The following RPSA2 variants were observed in gnomAD, a reference collection of about 807,000 sequenced individuals.
The protein encoded by RPSA2 is ribosomal protein SA 2.
chr19:23,860,725 AAATAAT>A, the RPSA2 span, among the ~76,000 whole-genome samples: 2 of 152,204 alleles, frequency 1.3e-5, no homozygotes, highest in African/African-American at 4.8e-5. Flanking sequence ...ATAACAATGA[AAATAAT>A]AATAATAGTA....
the RPSA2 span, among the ~76,000 whole-genome samples, chr19:23,865,496 C>T: frequency 2.6e-5 from 4 of 152,132 alleles, no homozygotes; most frequent in South Asian, 6.2e-4. Flanking sequence ...CATGGTCCTA[C>T]TGCTGCTGTC....
the RPSA2 span, among the ~76,000 whole-genome samples, chr19:23,840,952 A>T: frequency 7.7e-6 from 1 of 129,154 alleles, no homozygotes; most frequent in Non-Finnish European, 1.6e-5. Context: ...AAAACAACAA[A>T]ACTCCGTCTC....
the RPSA2 span, among the ~76,000 whole-genome samples, chr19:23,847,022 C>A: frequency 1.3e-5 from 2 of 152,074 alleles, no homozygotes; most frequent in East Asian, 3.9e-4. Context: ...TATGTAGTTG[C>A]AAATATCTCC....
chr19:23,761,932 T>C, the RPSA2 span, among the ~76,000 whole-genome samples: 206 of 52,664 alleles, frequency 3.9e-3, no homozygotes, highest in East Asian at 0.045. Context: ...TTTTTTTTTT[T>C]TTTGAGATGG....
At chr19:23,849,148 A>G in the RPSA2 span, among the ~76,000 whole-genome samples, 2 of 152,212 alleles carry the variant, frequency 1.3e-5, no homozygotes, top group African/African-American at 2.4e-5. Flanking sequence ...CCAAATTTTG[A>G]TATTTCCCAC....
chr19:23,812,089 G>A, the RPSA2 span, among the ~76,000 whole-genome samples: 3 of 151,968 alleles, frequency 2.0e-5, no homozygotes, highest in African/African-American at 4.8e-5. Context: ...CATTGATGTT[G>A]CCAACTAGAT....
At chr19:23,814,700 C>T in the RPSA2 span, among the ~76,000 whole-genome samples, 57 of 152,166 alleles carry the variant, frequency 3.7e-4, 1 homozygote, top group Non-Finnish European at 6.2e-4. Context: ...TTTTTGATTC[C>T]TGAGCAAACA....
At chr19:23,812,157 A>C in the RPSA2 span, among the ~76,000 whole-genome samples, 1 of 152,008 alleles carries the variant, frequency 6.6e-6, no homozygotes, top group African/African-American at 2.4e-5. Flanking sequence ...TTTTACTATA[A>C]ATTTCTTAAT....
the RPSA2 span, among the ~76,000 whole-genome samples, chr19:23,846,313 A>C: frequency 1.6e-4 from 8 of 51,010 alleles, no homozygotes; most frequent in South Asian, 6.2e-3. Flanking sequence ...ATTTATATTC[A>C]AGATTATATT....
chr19:23,805,384 G>A, the RPSA2 span, among the ~76,000 whole-genome samples: 1 of 151,900 alleles, frequency 6.6e-6, no homozygotes, highest in African/African-American at 2.4e-5. Context: ...GGCTGGTCTC[G>A]AACTCCCTAC....
chr19:23,789,815 C>A, the RPSA2 span, among the ~76,000 whole-genome samples: 1 of 150,326 alleles, frequency 6.7e-6, no homozygotes, highest in Non-Finnish European at 1.5e-5. Context: ...GTAGCTGGGA[C>A]TACAGGCATG....
the RPSA2 span, among the ~76,000 whole-genome samples, chr19:23,833,774 AGAAGAG>A: frequency 5.9e-5 from 9 of 152,124 alleles, no homozygotes; most frequent in Admixed American, 2.6e-4. Flanking sequence ...TTTAAAGTGC[AGAAGAG>A]TATTTACTTT....
the RPSA2 span, among the ~76,000 whole-genome samples, chr19:23,789,330 A>G: frequency 1.3e-5 from 2 of 152,092 alleles, no homozygotes; most frequent in Non-Finnish European, 2.9e-5. Flanking sequence ...TCTTATAGAA[A>G]TAGATTTTAA....
chr19:23,771,805 T>C, the RPSA2 span, among the ~76,000 whole-genome samples: 1 of 152,152 alleles, frequency 6.6e-6, no homozygotes, highest in South Asian at 2.1e-4. Flanking sequence ...GTTTCTGTTG[T>C]ACATTGTGTT....
chr19:23,857,434 G>A, the RPSA2 span, among the ~76,000 whole-genome samples: 10 of 150,386 alleles, frequency 6.6e-5, no homozygotes, highest in South Asian at 4.2e-4. Flanking sequence ...CTGACTTCCC[G>A]CAACATCTTT....
At chr19:23,815,489 T>G in the RPSA2 span, among the ~76,000 whole-genome samples, 1 of 152,190 alleles carries the variant, frequency 6.6e-6, no homozygotes, top group African/African-American at 2.4e-5. Context: ...TCTGTTATTA[T>G]GTGACATGTA....
At chr19:23,856,142 G>A in the RPSA2 span, among the ~76,000 whole-genome samples, 5 of 152,104 alleles carry the variant, frequency 3.3e-5, no homozygotes, top group African/African-American at 1.2e-4. Context: ...GGAAGAGGTA[G>A]AGAGAGGGTT....
the RPSA2 span, among the ~76,000 whole-genome samples, chr19:23,848,761 A>G: frequency 1.3e-5 from 2 of 152,224 alleles, no homozygotes; most frequent in African/African-American, 4.8e-5. Flanking sequence ...TAAATCATTC[A>G]TTTGGTGAAC....
chr19:23,862,046 A>G, the RPSA2 span, among the ~76,000 whole-genome samples: 1 of 151,834 alleles, frequency 6.6e-6, no homozygotes, highest in Non-Finnish European at 1.5e-5. Flanking sequence ...ATCCTCTTTT[A>G]TTTCATTGAG....
Sources: allele counts gnomAD v4.1 joint callset (sites outside exome capture counted in the v4.1 genomes callset), GRCh38; gene constraint gnomAD v4.1.1; transcripts MANE v1.5; gene names NCBI Gene and HGNC (gene_info 2026-07-23, HGNC 2026-07-21).